Variants in AUTS2 observed in about 807,000 individuals in gnomAD.
AUTS2 encodes autism susceptibility gene 2 protein.
In AUTS2, 17 loss-of-function variants were observed where a neutral mutation model predicts 112.4. The ratio of observed to expected loss-of-function variants is 0.15; its 90% confidence interval spans 0.10 to 0.23. The LOEUF (loss-of-function observed/expected upper bound fraction) is 0.23. Ranked by LOEUF, AUTS2 falls within the 10% of genes least tolerant of loss-of-function variation. The probability of loss-of-function intolerance (pLI) is 1.00; values close to 1 mark genes in which losing one functional copy is unlikely to be tolerated. For missense variants in AUTS2, 1,510 were observed against 1,701.6 expected, an observed-to-expected ratio of 0.89 and a Z score of 1.98; for synonymous variants, 751 against 702.7, an observed-to-expected ratio of 1.07 and a Z score of -1.09.
At chr7:69,621,871 T>A (rs964295548) in intron 1 of AUTS2, among the ~76,000 whole-genome samples, 1 of 152,164 alleles carries the variant, frequency 6.6e-6, no homozygotes, top group Non-Finnish European at 1.5e-5. Context: ...TTTAGTATGA[T>A]CTGTGGGTTT....
Position 70,179,437 on chromosome 7 carries a change from A to G in AUTS2, c.660+44866A>G, listed in dbSNP as rs148363779. 4.6e-5 allele frequency among the ~76,000 whole-genome samples: 7 copies of G among 152,280 alleles called. No individual in the cohort carries two copies. In the East Asian group the frequency reaches 1.2e-3, roughly 25 times the overall value. The stretch of plus-strand genomic sequence containing the variant: ...TGCATTTTTAGCACCTGCACATCAT[A>G]GTTTTCCCGGGAACCTCCAGCAGTG... On this transcript the variant is annotated intron_variant, in intron 4 of 18. Coordinates refer to ENST00000342771, the MANE Select transcript of AUTS2 (RefSeq NM_015570.4).
At chr7:70,238,950 T>G (rs897551364) in intron 4 of AUTS2, among the ~76,000 whole-genome samples, 6 of 152,122 alleles carry the variant, frequency 3.9e-5, no homozygotes, top group Non-Finnish European at 1.5e-5. Flanking sequence ...AATTAAGTAT[T>G]TGCTTTGAGC....
chr7:69,793,629 G>A (rs1191714104), intron 1 of AUTS2, among the ~76,000 whole-genome samples: 1 of 152,092 alleles, frequency 6.6e-6, no homozygotes, highest in Non-Finnish European at 1.5e-5. Flanking sequence ...CTCTCACCTT[G>A]GCTGTGCTTT....
At chr7:70,136,147 A>G (rs1177013617) in intron 4 of AUTS2, among the ~76,000 whole-genome samples, 1 of 152,136 alleles carries the variant, frequency 6.6e-6, no homozygotes, top group Non-Finnish European at 1.5e-5. Context: ...CTCTAATAAT[A>G]TATTCTTATG....
chr7:70,224,549 TTACAG>T (rs1811667787), intron 4 of AUTS2, among the ~76,000 whole-genome samples: 2 of 152,100 alleles, frequency 1.3e-5, no homozygotes, highest in African/African-American at 2.4e-5. Flanking sequence ...GTAAAAAACA[TTACAG>T]TAGGCTAAGG....
chr7:70,775,592 T>TA (rs397736660), intron 13 of AUTS2, among the ~76,000 whole-genome samples: 14 of 152,044 alleles, frequency 9.2e-5, no homozygotes, highest in Non-Finnish European at 1.3e-4. Flanking sequence ...TTTTTTTTTT[T>TA]ATCTCTACAA....
At chr7:69,644,675 C>T (rs1794946129) in intron 1 of AUTS2, among the ~76,000 whole-genome samples, 3 of 152,108 alleles carry the variant, frequency 2.0e-5, no homozygotes, top group Non-Finnish European at 4.4e-5. Flanking sequence ...AAAAAGAATA[C>T]AATGGTTATG....
intron 4 of AUTS2, among the ~76,000 whole-genome samples, chr7:70,359,088 A>G (rs1267027142): frequency 6.6e-6 from 1 of 152,260 alleles, no homozygotes; most frequent in East Asian, 1.9e-4. Flanking sequence ...GCTCTACTAT[A>G]CAGTGAAAGA....
intron 5 of AUTS2, among the ~76,000 whole-genome samples, chr7:70,438,234 G>A (rs1001898116): frequency 7.2e-5 from 11 of 152,214 alleles, no homozygotes; most frequent in African/African-American, 1.2e-4. Flanking sequence ...GTAAAGTGTC[G>A]GAATAATGGG....
At chr7:69,927,819 TG>T (rs1796082425) in intron 2 of AUTS2, among the ~76,000 whole-genome samples, 1 of 152,182 alleles carries the variant, frequency 6.6e-6, no homozygotes, top group Admixed American at 6.5e-5. Flanking sequence ...TGGGCACCAA[TG>T]TCTCTGGATG....
intron 5 of AUTS2, among the ~76,000 whole-genome samples, chr7:70,450,001 T>C (rs967902097): frequency 6.6e-6 from 1 of 152,204 alleles, no homozygotes; most frequent in Non-Finnish European, 1.5e-5. Flanking sequence ...AACTTCTTTG[T>C]CCAAAGGGAT....
intron 4 of AUTS2, among the ~76,000 whole-genome samples, chr7:70,336,443 G>T (rs1790993748): frequency 1.3e-5 from 2 of 152,038 alleles, no homozygotes; most frequent in African/African-American, 4.8e-5. Context: ...ATTTCAATTT[G>T]CCCACATGGA....
chr7:70,637,816 G>A (rs1197771747), intron 5 of AUTS2, among the ~76,000 whole-genome samples: 2 of 152,160 alleles, frequency 1.3e-5, no homozygotes, highest in Non-Finnish European at 2.9e-5. Context: ...AAACCATTGT[G>A]TTGTATCTAC....
intron 1 of AUTS2, among the ~76,000 whole-genome samples, chr7:69,878,414 C>G (rs1793899174): frequency 6.6e-6 from 1 of 152,140 alleles, no homozygotes; most frequent in Admixed American, 6.5e-5. Context: ...GACTAAATGA[C>G]AAGAACCAGT....
chr7:70,183,833 CTTTTT>C (rs60689973), intron 4 of AUTS2, among the ~76,000 whole-genome samples: 2 of 137,950 alleles, frequency 1.4e-5, no homozygotes, highest in African/African-American at 2.7e-5. Flanking sequence ...CTGTCTTTTT[CTTTTT>C]TTTTTTTTTT....
intron 2 of AUTS2, among the ~76,000 whole-genome samples, chr7:69,960,291 G>T (rs900244279): frequency 1.3e-5 from 2 of 152,140 alleles, no homozygotes; most frequent in African/African-American, 4.8e-5. Context: ...CAGAGGGAGA[G>T]CTAAGTAACC....
chr7:70,595,516 C>T (rs1301167732), intron 5 of AUTS2, among the ~76,000 whole-genome samples: 1 of 151,060 alleles, frequency 6.6e-6, no homozygotes, highest in African/African-American at 2.5e-5. Context: ...CTGTGTATTC[C>T]TGGGAATGCC....
chr7:70,422,373 T>TA (rs1336309967), intron 4 of AUTS2, among the ~76,000 whole-genome samples: 1 of 152,224 alleles, frequency 6.6e-6, no homozygotes, highest in Non-Finnish European at 1.5e-5. Flanking sequence ...TGAAAAGAAA[T>TA]ACAGTTTTTT....
intron 1 of AUTS2, among the ~76,000 whole-genome samples, chr7:69,771,106 G>A (rs149425368): frequency 2.4e-3 from 369 of 152,310 alleles, no homozygotes; most frequent in African/African-American, 8.3e-3. Context: ...GAGTAGCCCT[G>A]TTATTCCCCT....
Sources: gnomAD v4.1 joint callset for allele counts (sites outside exome capture counted in the v4.1 genomes callset) on GRCh38, gnomAD v4.1.1 for gene constraint, MANE v1.5 for transcripts, NCBI Gene and HGNC (gene_info 2026-07-23, HGNC 2026-07-21) for gene names.